Variants in NCALD observed in about 807,000 individuals in gnomAD.
The protein encoded by NCALD is neurocalcin-delta.
Under a neutral mutation model 18.6 loss-of-function variants are expected in NCALD, and 10 were observed. The observed-to-expected ratio is 0.54, with a 90% CI of 0.33 to 0.91. The LOEUF (loss-of-function observed/expected upper bound fraction) is 0.91, where lower values mean the gene tolerates loss of function less well. NCALD is among the 40% of genes least tolerant of loss of function. The pLI, the probability that NCALD is intolerant of heterozygous loss-of-function variation, is 0.03. For missense variants in NCALD, 184 were observed against 247.6 expected (o/e 0.74, Z 1.72); for synonymous variants, 88 against 87.4 (o/e 1.01, Z -0.04).
chr8:101,986,049 A>G (rs1820795852), intron 2 of NCALD, among the ~76,000 whole-genome samples: 2 of 149,032 alleles, frequency 1.3e-5, no homozygotes. Flanking sequence ...TCTTTTTTCT[A>G]TTTTTTTGAG....
At chr8:101,747,866 C>G (rs893392908) in intron 1 of NCALD, among the ~76,000 whole-genome samples, 1 of 151,966 alleles carries the variant, frequency 6.6e-6, no homozygotes, top group Admixed American at 6.6e-5. Flanking sequence ...TACAGGTGCC[C>G]GCCACAACAC....
chr8:102,023,327 A>G (rs1473829939), intron 1 of NCALD, among the ~76,000 whole-genome samples: 1 of 134,048 alleles, frequency 7.5e-6, no homozygotes, highest in African/African-American at 3.0e-5. Flanking sequence ...CACTCTTAGA[A>G]TAGAGAGGAA....
In NCALD at chr8:101,957,586, A is replaced by C. The variant is rs188160942; in HGVS notation, c.-156-41728T>G. Among the ~76,000 whole-genome samples the C allele has an allele frequency of 9.2e-5, 14 of 152,214 alleles. No individual in the cohort carries two copies. The East Asian group carries it at 2.5e-3, about 27-fold the overall frequency. ...GAGGATATTTGTTTTCCTACCAAAA[A>C]TAGTTGGAGTCTCCTAAAATGTGAA... On this transcript the variant is annotated intron_variant, in intron 2 of 6. Transcript: ENST00000311028.
chr8:101,725,514 C>G (rs968266990), intron 1 of NCALD, among the ~76,000 whole-genome samples: 12 of 152,170 alleles, frequency 7.9e-5, no homozygotes, highest in Admixed American at 2.0e-4. Flanking sequence ...CAAACAAGAA[C>G]CCGGGTACCA....
intron 2 of NCALD, among the ~76,000 whole-genome samples, chr8:101,982,553 T>C (rs1207718489): frequency 6.6e-6 from 1 of 152,126 alleles, no homozygotes; most frequent in Admixed American, 6.5e-5. Context: ...ACATAAAAAA[T>C]TCCATAGCTG....
intron 1 of NCALD, among the ~76,000 whole-genome samples, chr8:101,757,665 GT>G (rs200238602): frequency 7.9e-5 from 12 of 151,408 alleles, no homozygotes; most frequent in African/African-American, 1.5e-4. Flanking sequence ...AGATGGTAGG[GT>G]TTTTTTTTAA....
intron 1 of NCALD, chr8:101,785,729 G>C (rs1364520295): frequency 6.6e-6 from 1 of 152,116 alleles, no homozygotes; most frequent in Non-Finnish European, 1.5e-5. Flanking sequence ...TTCATTATTT[G>C]TATGAAACAG....
At chr8:101,821,319 C>T (rs1813708862) in intron 4 of NCALD, among the ~76,000 whole-genome samples, 1 of 152,172 alleles carries the variant, frequency 6.6e-6, no homozygotes, top group African/African-American at 2.4e-5. Flanking sequence ...AAGCATTTAT[C>T]ATATGCTCAC....
chr8:101,855,632 C>T (rs1045428020), intron 4 of NCALD, among the ~76,000 whole-genome samples: 19 of 152,088 alleles, frequency 1.2e-4, no homozygotes, highest in African/African-American at 3.9e-4. Flanking sequence ...TAAGAATTTG[C>T]AATGATCATC....
At chr8:102,065,665 C>T (rs1325703592) in intron 1 of NCALD, among the ~76,000 whole-genome samples, 1 of 152,124 alleles carries the variant, frequency 6.6e-6, no homozygotes, top group Non-Finnish European at 1.5e-5. Context: ...TTACAAATAT[C>T]ACAGCTATGC....
intron 1 of NCALD, among the ~76,000 whole-genome samples, chr8:102,041,871 G>A (rs7007251): frequency 0.16 from 24,562 of 151,846 alleles, 3,036 homozygotes; most frequent in African/African-American, 0.33. Flanking sequence ...TATTTTGATC[G>A]AAGAAAAATG....
At chr8:102,088,985 A>G (rs1824834457) in intron 1 of NCALD, among the ~76,000 whole-genome samples, 1 of 152,092 alleles carries the variant, frequency 6.6e-6, no homozygotes, top group Admixed American at 6.5e-5. Context: ...TAAAACTGGG[A>G]CCCTTAATTT....
intron 2 of NCALD, among the ~76,000 whole-genome samples, chr8:101,935,748 G>A (rs1378299401): frequency 6.6e-6 from 1 of 150,428 alleles, no homozygotes; most frequent in East Asian, 2.0e-4. Context: ...AGGGGAATAA[G>A]GAAATTAAGC....
chr8:102,123,212 C>G (rs1035979459), intron 1 of NCALD, among the ~76,000 whole-genome samples: 1 of 152,234 alleles, frequency 6.6e-6, no homozygotes, highest in African/African-American at 2.4e-5. Flanking sequence ...TTTGAGCGAG[C>G]TTGTGTGGTT....
chr8:101,708,525 CAAT>C (rs1815635274), intron 2 of NCALD, among the ~76,000 whole-genome samples: 2 of 152,212 alleles, frequency 1.3e-5, no homozygotes, highest in Admixed American at 1.3e-4. Context: ...GAAATTGTGG[CAAT>C]AATAATGGTA....
At chr8:101,735,201 G>T (rs945872294) in intron 1 of NCALD, among the ~76,000 whole-genome samples, 3 of 152,308 alleles carry the variant, frequency 2.0e-5, no homozygotes, top group East Asian at 3.9e-4. Flanking sequence ...AATTAGTTAT[G>T]TCTGTGATTA....
At chr8:101,894,713 C>T (rs1817077377) in intron 3 of NCALD, among the ~76,000 whole-genome samples, 1 of 151,306 alleles carries the variant, frequency 6.6e-6, no homozygotes, top group Admixed American at 6.6e-5. Context: ...TACAAACTAC[C>T]ATCAGAGAAT....
intron 2 of NCALD, among the ~76,000 whole-genome samples, chr8:101,715,663 A>T (rs1243476622): frequency 1.3e-5 from 2 of 152,250 alleles, no homozygotes; most frequent in East Asian, 3.8e-4. Context: ...AAGGATATGA[A>T]CAGACACTTC....
At chr8:102,048,642 G>C (rs973170139) in intron 1 of NCALD, among the ~76,000 whole-genome samples, 10 of 152,198 alleles carry the variant, frequency 6.6e-5, no homozygotes, top group African/African-American at 2.4e-4. Context: ...GTGTATACAT[G>C]ACATGTATAT....
Sources: allele counts gnomAD v4.1 joint callset (sites outside exome capture counted in the v4.1 genomes callset), GRCh38; gene constraint gnomAD v4.1.1; transcripts MANE v1.5; gene names NCBI Gene and HGNC (gene_info 2026-07-23, HGNC 2026-07-21).